The following BECN1 variants were observed in gnomAD, a reference collection of about 807,000 sequenced individuals.
BECN1 encodes the protein beclin 1.
BECN1 carries 15 observed loss-of-function variants against 60.1 expected under a neutral mutation model. That is an observed-to-expected ratio of 0.25 (90% CI 0.17 to 0.38). The LOEUF is 0.38. Among genes scored for constraint, BECN1 ranks in the 10% least tolerant of loss-of-function variants. The pLI is 1.00. For missense variants in BECN1, 424 were observed against 548.2 expected, an observed-to-expected ratio of 0.77 and a Z score of 2.26; for synonymous variants, 179 against 201.8, an observed-to-expected ratio of 0.89 and a Z score of 0.96.
Position 42,813,997 on chromosome 17 carries a change from A to G in BECN1, c.992T>C (p.Val331Ala). Residue 331 changes from valine (V) to alanine (A), a missense_variant, in exon 10 of 12, where the codon GTT (valine) becomes GCT (alanine). Around this residue, in one of 3 missense-constraint regions of BECN1, gnomAD observed 326 missense variants for 406.2 expected, o/e 0.80. Transcript: ENST00000590099. The stretch of plus-strand genomic sequence containing the variant: ...CAGATATGAATGGTTTCCGTAAGGA[A>G]CAAGTCGGTATCTAAAATAGAGATA... The part of the protein sequence containing the change: ...MGLKFQRYRL[V>A]PYGNHSYLES... 6.2e-7 allele frequency: 1 copy of G among 1,603,074 alleles called. No homozygotes were observed. The highest frequency in any genetic ancestry group is 8.5e-7 in the Non-Finnish European group (1 of 1,172,008).
At chr17:42,820,574 G>T (rs1342835086) in intron 3 of BECN1, 200 bp downstream of exon 3, 2 of 520,690 alleles carry the variant, frequency 3.8e-6, no homozygotes, top group Non-Finnish European at 3.5e-6. Context: ...GTGACCTCAG[G>T]TGCAGATCTG....
intron 4 of BECN1, 32 bp from the exon 5 acceptor site, chr17:42,818,909 G>A (rs1374180615): frequency 1.9e-6 from 3 of 1,610,682 alleles, no homozygotes; most frequent in East Asian, 2.2e-5. Flanking sequence ...CGGGCCACAT[G>A]AGGGAACAGA....
intron 1 of BECN1, 40 bp from the exon 2 acceptor site, chr17:42,823,919 C>A: frequency 3.8e-6 from 6 of 1,599,870 alleles, no homozygotes; most frequent in Non-Finnish European, 5.1e-6. Flanking sequence ...GGAGAAGCGA[C>A]GCCCTTGACC....
intron 2 of BECN1, 115 bp from the exon 3 acceptor site, chr17:42,820,956 C>T (rs2055251278): frequency 2.3e-6 from 2 of 868,484 alleles, no homozygotes; most frequent in East Asian, 2.7e-5. Context: ...TCCAATTTTT[C>T]TTAAAGTACC....
intron 3 of BECN1, chr17:42,820,572 A>C (rs751100560): frequency 1.6e-5 from 8 of 503,964 alleles, no homozygotes; most frequent in Non-Finnish European, 2.9e-5. Context: ...CTGTGACCTC[A>C]GGTGCAGATC....
chr17:42,810,676 A>ACATGTTTGTTTTTAATTTAATTTAAT lies in BECN1; in HGVS notation c.*83_*84insATTAAATTAAATTAAAAACAAACATG. On this transcript the variant is annotated 3_prime_UTR_variant, in exon 12 of 12. Coordinates refer to ENST00000590099, the MANE Select transcript of BECN1 (RefSeq NM_001313998.2). ...GTATTGTAAACATGTACTGTTTAATATTACCCGAATTTAATTTAAAACATG... is the reference window on the plus strand; with the variant it reads ...GTATTGTAAACATGTACTGTTTAATACATGTTTGTTTTTAATTTAATTTAATTTACCCGAATTTAATTTAAAACATG... 7.0e-7 allele frequency: 1 copy of ACATGTTTGTTTTTAATTTAATTTAAT among 1,426,314 alleles called. No homozygotes were observed. Among genetic ancestry groups the ACATGTTTGTTTTTAATTTAATTTAAT allele is most frequent in the East Asian group, 2.3e-5 (1 of 43,086 alleles). 88.4% of individuals were successfully genotyped at this position (1,426,314 alleles called of 1,614,324 possible).
At chr17:42,819,636 A>G (rs768430548) in intron 3 of BECN1, 27 bp from the exon 4 acceptor site, 1 of 1,610,042 alleles carries the variant, frequency 6.2e-7, no homozygotes, top group Non-Finnish European at 8.5e-7. Flanking sequence ...AGGGCATTAC[A>G]ACTCTGGCAG....
chr17:42,818,437 T>C (rs751111612), intron 6 of BECN1, 22 bp from the exon 7 acceptor site: 21 of 1,613,292 alleles, frequency 1.3e-5, no homozygotes, highest in Non-Finnish European at 1.8e-5. Flanking sequence ...ACAGGCAGAC[T>C]ATACTTACTA....
chr17:42,814,339 A>C (rs1314037923), intron 9 of BECN1, 185 bp downstream of exon 9: 2 of 724,038 alleles, frequency 2.8e-6, no homozygotes, highest in East Asian at 2.7e-5. Context: ...CAACTCAGTG[A>C]CTGTGTGATC....
At position 42,823,798 on chromosome 17, in the gene BECN1, A is replaced by T; in HGVS notation, c.80T>A (p.Leu27Gln). Residue 27 changes from leucine to glutamine, a missense_variant, in exon 2 of 12, where the codon CTG (leucine) becomes CAG (glutamine). Around this residue, in one of 3 missense-constraint regions of BECN1, gnomAD observed 96 missense variants for 125.6 expected, o/e 0.76. Coordinates refer to ENST00000590099, the MANE Select transcript of BECN1 (RefSeq NM_001313998.2). The part of the protein sequence containing the change: ...VCQRCSQPLK[L>Q]DTSFKILDRV... ...GTCCAGGATCTTGAAACTCGTGTCC[A>T]GTTTCAGGGGCTGGCTGCAGCGCTG... The T allele has an allele frequency of 6.2e-7, 1 of 1,614,076 alleles. No homozygotes were observed. The highest frequency in any genetic ancestry group is 8.5e-7 in the Non-Finnish European group (1 of 1,180,004).
rs767198200 is a variant in BECN1, at chr17:42,811,790, G to T, written c.1049C>A (p.Pro350Gln). 6.2e-7 allele frequency: 1 copy of T among 1,610,866 alleles called. No homozygotes were observed. Among genetic ancestry groups the T allele is most frequent in the Non-Finnish European group, 8.5e-7 (1 of 1,179,068 alleles). ...ESLTDKSKEL[P>Q]LYCSGGLRFF... The stretch of plus-strand genomic sequence containing the variant: ...CCGCAACCCCCCAGAACAGTATAAC[G>T]GCAGCTCCTGCCCAAGAAGAGAAAA... Residue 350 changes from proline (P) to glutamine (Q), a missense_variant, in exon 11 of 12, where the codon CCG (proline) becomes CAG (glutamine). Around this residue, in one of 3 missense-constraint regions of BECN1, gnomAD observed 326 missense variants for 406.2 expected, o/e 0.80. Coordinates refer to ENST00000590099, the MANE Select transcript of BECN1 (RefSeq NM_001313998.2).
intron 9 of BECN1, 150 bp from the exon 10 acceptor site, chr17:42,814,158 GT>G: frequency 1.8e-6 from 1 of 557,538 alleles, no homozygotes; most frequent in South Asian, 2.8e-5. Context: ...TTGAATCCAT[GT>G]TTAAAAGATT....
chr17:42,817,824 C>G (rs1417160374), intron 7 of BECN1, among the ~76,000 whole-genome samples: 1 of 152,124 alleles, frequency 6.6e-6, no homozygotes, highest in Non-Finnish European at 1.5e-5. Flanking sequence ...GCTGGAATTA[C>G]AGATATGAAC....
At position 42,810,653 on chromosome 17, in the gene BECN1, A is replaced by G. The variant is rs781321902; in HGVS notation, c.*107T>C. The G allele has an allele frequency of 7.4e-6, 9 of 1,210,420 alleles. No homozygotes were observed. Among genetic ancestry groups the G allele is most frequent in the Non-Finnish European group, 1.0e-5 (9 of 893,938 alleles). 75.0% of individuals were successfully genotyped at this position (1,210,420 alleles called of 1,614,324 possible). On this transcript the variant is annotated 3_prime_UTR_variant, in exon 12 of 12. Transcript: ENST00000590099. ...TTTTGTGGATTTTTTCTTTTTTGGT[A>G]TTGTAAACATGTACTGTTTAATATT...
At position 42,815,964 on chromosome 17, in the gene BECN1, C is replaced by T; in HGVS notation, c.774G>A (p.Gln258=). The change falls in exon 8 of 12, where the codon CAG becomes CAA. Residue 258 remains glutamine (Q), a synonymous_variant. Coordinates refer to ENST00000590099, the MANE Select transcript of BECN1 (RefSeq NM_001313998.2). ...KSVENQMRYA[Q]TQLDKLKKTN... ...TTTTCTTCAGCTTATCCAGCTGCGTCTGGGCATAACGCATCTGGTTTTCAA... is the reference window on the plus strand; with the variant it reads ...TTTTCTTCAGCTTATCCAGCTGCGTTTGGGCATAACGCATCTGGTTTTCAA... 6.2e-7 allele frequency: 1 copy of T among 1,614,110 alleles called. No homozygotes were observed. Among genetic ancestry groups the T allele is most frequent in the Non-Finnish European group, 8.5e-7 (1 of 1,179,980 alleles).
intron 11 of BECN1, chr17:42,811,132 G>A: frequency 2.1e-6 from 1 of 478,206 alleles, no homozygotes; most frequent in South Asian, 4.8e-5. Context: ...CAGAGTACAG[G>A]GACAGGACAC....
rs781127051 is a variant in BECN1, at chr17:42,815,933, CGTTG to C, written c.801_804del (p.Asn268SerfsTer55). 1 of 1,614,180 alleles carries C rather than the reference CGTTG, an allele frequency of 6.2e-7. No individual in the cohort carries two copies. The highest frequency in any genetic ancestry group is 8.5e-7 in the Non-Finnish European group (1 of 1,180,030). ...CAGATGTGGAAGGTTGCATTAAAGA[CGTTG>C]GTTTTCTTCAGCTTATCCAGCTGCG... On this transcript the variant is annotated frameshift_variant, in exon 8 of 12. Transcript: ENST00000590099. LOFTEE classifies it high-confidence loss of function.
intron 11 of BECN1, 88 bp from the exon 12 acceptor site, chr17:42,811,016 G>C (rs749615315): frequency 9.8e-6 from 13 of 1,323,584 alleles, no homozygotes; most frequent in Non-Finnish European, 1.3e-5. Flanking sequence ...GACCATTCAC[G>C]TCATTTTATC....
At chr17:42,819,344 C>A in intron 4 of BECN1, 2 of 572,782 alleles carry the variant, frequency 3.5e-6, no homozygotes, top group Middle Eastern at 9.5e-4. Flanking sequence ...AGCTACTATC[C>A]TTTCCCACTC....
Sources: allele counts gnomAD v4.1 joint callset (sites outside exome capture counted in the v4.1 genomes callset), GRCh38; gene constraint gnomAD v4.1.1; regional missense constraint gnomAD v4.1.1; transcripts MANE v1.5; gene names NCBI Gene and HGNC (gene_info 2026-07-23, HGNC 2026-07-21).